Variants in NMNAT3 observed in about 807,000 individuals in gnomAD.
The protein encoded by NMNAT3 is nicotinamide/nicotinic acid mononucleotide adenylyltransferase 3.
Under a neutral mutation model 24.8 loss-of-function variants are expected in NMNAT3, and 21 were observed. The observed-to-expected ratio is 0.85, with a 90% CI of 0.60 to 1.22. NMNAT3 has a LOEUF of 1.22. NMNAT3 is among the 50% of genes most tolerant of loss of function. The pLI is 0.00. For synonymous variants in NMNAT3, 136 were observed against 155.2 expected (o/e 0.88, Z 0.92); for missense variants, 387 against 436.6 (o/e 0.89, Z 1.01).
At chr3:139,670,388 G>A (rs1576799753) in intron 1 of NMNAT3, among the ~76,000 whole-genome samples, 1 of 152,150 alleles carries the variant, frequency 6.6e-6, no homozygotes, top group Admixed American at 6.5e-5. Flanking sequence ...ATGGTTCTGC[G>A]CTGGCTCTGG....
intron 1 of NMNAT3, among the ~76,000 whole-genome samples, chr3:139,659,987 C>T (rs556095966): frequency 1.3e-5 from 2 of 152,298 alleles, no homozygotes; most frequent in Admixed American, 6.5e-5. Flanking sequence ...TTAACAAGCC[C>T]TCTTGGTGGT....
chr3:139,597,375 G>A lies in NMNAT3; in HGVS notation c.110-14167C>T, dbSNP rs139588720. 7.7e-3 allele frequency among the ~76,000 whole-genome samples: 1,171 copies of A among 152,124 alleles called. 20 individuals are homozygous for A. The highest frequency in any genetic ancestry group is 0.027 in the African/African-American group (1,102 of 41,484). The stretch of plus-strand genomic sequence containing the variant: ...AGTGTGTATTGAGATGATGATTTAA[G>A]TTTCATAAAAATATATTGTCTTAGT... On this transcript the variant is annotated intron_variant, in intron 3 of 6. Coordinates refer to ENST00000643695, the MANE Select transcript of NMNAT3 (RefSeq NM_001320510.2).
rs559502771 is a variant in NMNAT3 at position 139,613,411 on chromosome 3, A to C, written c.109+14205T>G. On this transcript the variant is annotated intron_variant, in intron 3 of 6. Coordinates refer to ENST00000643695, the MANE Select transcript of NMNAT3 (RefSeq NM_001320510.2). ...GCTCATCATCACTGGCCATCAGAGAAATGCAAATCAAAACCACAATGAGAT... is the reference window on the plus strand; with the variant it reads ...GCTCATCATCACTGGCCATCAGAGACATGCAAATCAAAACCACAATGAGAT... Among the ~76,000 whole-genome samples the C allele has an allele frequency of 1.9e-3, 297 of 152,382 alleles. 1 individual carries two copies. Among genetic ancestry groups the C allele is most frequent in the East Asian group, 0.01 (53 of 5,192 alleles).
intron 1 of NMNAT3, among the ~76,000 whole-genome samples, chr3:139,664,248 A>G (rs369111599): frequency 1.1e-4 from 17 of 152,230 alleles, no homozygotes; most frequent in African/African-American, 4.1e-4. Context: ...TACTCTTCAC[A>G]GTCTGAAATT....
intron 5 of NMNAT3, among the ~76,000 whole-genome samples, chr3:139,574,376 A>G (rs1467470166): frequency 1.3e-5 from 2 of 152,264 alleles, no homozygotes; most frequent in Non-Finnish European, 2.9e-5. Flanking sequence ...ATGGGTGGTT[A>G]TGAAGATTAA....
intron 1 of NMNAT3, among the ~76,000 whole-genome samples, chr3:139,638,780 C>T (rs2056597033): frequency 6.6e-6 from 1 of 152,196 alleles, no homozygotes; most frequent in Non-Finnish European, 1.5e-5. Context: ...ACACACACAT[C>T]AACATGCTGA....
intron 6 of NMNAT3, among the ~76,000 whole-genome samples, chr3:139,573,299 T>TA (rs2108057040): frequency 6.6e-6 from 1 of 152,346 alleles, no homozygotes; most frequent in Admixed American, 6.5e-5. Flanking sequence ...CTCATCAGTT[T>TA]ATCCCTGTGT....
At chr3:139,568,307 A>T (rs1369368736) in intron 6 of NMNAT3, 4 of 152,014 alleles carry the variant, frequency 2.6e-5, no homozygotes, top group Admixed American at 1.3e-4. Context: ...TGGATTCATT[A>T]CTTTTTTGAA....
intron 3 of NMNAT3, among the ~76,000 whole-genome samples, chr3:139,609,017 G>A (rs1372514577): frequency 6.6e-6 from 1 of 152,164 alleles, no homozygotes; most frequent in Non-Finnish European, 1.5e-5. Context: ...TAGGATTGGT[G>A]TTTTTCACTC....
At chr3:139,667,253 A>G (rs898990589) in intron 1 of NMNAT3, among the ~76,000 whole-genome samples, 3 of 151,978 alleles carry the variant, frequency 2.0e-5, no homozygotes, top group Non-Finnish European at 4.4e-5. Flanking sequence ...CTTTTTCTTC[A>G]TCCTTGCCAG....
intron 5 of NMNAT3, 100 bp from the exon 6 acceptor site, chr3:139,573,780 T>TAAA: frequency 1.7e-6 from 1 of 594,262 alleles, no homozygotes; most frequent in East Asian, 3.0e-5. Flanking sequence ...TTATCTACTT[T>TAAA]AGTTCACTCA....
intron 1 of NMNAT3, among the ~76,000 whole-genome samples, chr3:139,674,605 T>C (rs1278451015): frequency 3.3e-5 from 5 of 152,186 alleles, no homozygotes; most frequent in African/African-American, 7.2e-5. Flanking sequence ...TTTTGCAGGT[T>C]TTTTTCTTTT....
rs769295912 is a variant in NMNAT3, at chr3:139,561,005, C to G, written c.*5G>C. 10 of 1,605,784 alleles carry G rather than the reference C, an allele frequency of 6.2e-6. No homozygotes were observed. The East Asian group carries it at 8.9e-5, about 14-fold the overall frequency. ...GAGGAGGTGTGGGTGCTGAGTCCCC[C>G]CTCCCTAGCTTGTCTTGCCCTCAGT... On this transcript the variant is annotated 3_prime_UTR_variant, in exon 7 of 7. Transcript: ENST00000643695.
intron 3 of NMNAT3, among the ~76,000 whole-genome samples, chr3:139,611,768 G>A (rs556386970): frequency 2.6e-4 from 40 of 152,314 alleles, no homozygotes; most frequent in Admixed American, 5.2e-4. Flanking sequence ...GCCCGTGACA[G>A]GACAGAGATT....
chr3:139,578,887 G>C lies in NMNAT3; in HGVS notation c.560C>G (p.Thr187Arg), dbSNP rs377244570. ...CTACCATTACCTCAGCACCTTCACT[G>C]TCTCCATCCACTGTGCCTGCTCACT... Residue 187 changes from threonine (T) to arginine (R), a missense_variant, in exon 5 of 7, where the codon ACA becomes AGA. By Grantham distance (71) the Thr-to-Arg change is moderately conservative. Transcript: ENST00000643695. The C allele has an allele frequency of 4.6e-5, 74 of 1,613,898 alleles. No homozygotes were observed. The highest frequency in any genetic ancestry group is 1.8e-4 in the Admixed American group (11 of 59,996).
intron 1 of NMNAT3, among the ~76,000 whole-genome samples, chr3:139,640,589 A>G (rs1415965910): frequency 6.6e-6 from 1 of 152,298 alleles, no homozygotes; most frequent in Admixed American, 6.5e-5. Flanking sequence ...AATATCTGGG[A>G]AGGGTGGAAA....
intron 3 of NMNAT3, among the ~76,000 whole-genome samples, chr3:139,606,800 G>A (rs564138253): frequency 6.6e-6 from 1 of 151,980 alleles, no homozygotes; most frequent in African/African-American, 2.4e-5. Context: ...TGGATTCATG[G>A]GTACTTATTT....
In NMNAT3 at chr3:139,568,760, A is replaced by T. The variant is rs1211895274; in HGVS notation, c.658+4838T>A. On this transcript the variant is annotated intron_variant, in intron 6 of 6. Transcript: ENST00000643695. ...ATTTGCTGAGGAGTGCTTTACTTCCAACTATGTGGTCAATTTTGGAGTAGG... is the reference window on the plus strand; with the variant it reads ...ATTTGCTGAGGAGTGCTTTACTTCCTACTATGTGGTCAATTTTGGAGTAGG... The T allele has an allele frequency of 5.9e-5, 9 of 152,272 alleles. No individual in the cohort carries two copies. The East Asian group carries it at 1.7e-3, about 29-fold the overall frequency. 9.4% of individuals were successfully genotyped at this position (152,272 alleles called of 1,614,324 possible).
chr3:139,638,575 C>T (rs768976537), intron 1 of NMNAT3, among the ~76,000 whole-genome samples: 24 of 152,218 alleles, frequency 1.6e-4, no homozygotes, highest in Non-Finnish European at 2.2e-4. Flanking sequence ...GGCTCATCTC[C>T]GTCCCTTGAC....
Sources: allele counts gnomAD v4.1 joint callset (sites outside exome capture counted in the v4.1 genomes callset), GRCh38; gene constraint gnomAD v4.1.1; transcripts MANE v1.5; gene names NCBI Gene and HGNC (gene_info 2026-07-23, HGNC 2026-07-21).